The following EMID1 variants were observed in gnomAD, a reference collection of about 807,000 sequenced individuals.
EMID1 encodes EMI domain containing 1, also known as EMI domain-containing protein 1.
Under a neutral mutation model 60.6 loss-of-function variants are expected in EMID1, and 40 were observed. The observed-to-expected ratio is 0.66, with a 90% confidence interval of 0.51 to 0.86. The LOEUF is 0.86. Ranked by LOEUF, EMID1 falls within the 40% of genes least tolerant of loss-of-function variation. The pLI, the probability that EMID1 is intolerant of heterozygous loss-of-function variation, is 0.00. For missense variants in EMID1, 585 were observed against 597.1 expected, an observed-to-expected ratio of 0.98 and a Z score of 0.21; for synonymous variants, 242 against 231.0, an observed-to-expected ratio of 1.05 and a Z score of -0.43.
chr22:29,235,694 C>T (rs910725339), intron 12 of EMID1, among the ~76,000 whole-genome samples: 1 of 151,240 alleles, frequency 6.6e-6, no homozygotes, highest in Admixed American at 6.6e-5. Flanking sequence ...TCTGGGACTA[C>T]AGGTGTGCAC....
rs1188428045 is a variant in EMID1, at chr22:29,255,970, C to G, written c.1204+1683C>G. 7.2e-5 allele frequency among the ~76,000 whole-genome samples: 11 copies of G among 152,268 alleles called. No homozygotes were observed. The East Asian group carries it at 2.1e-3, about 29-fold the overall frequency. On this transcript the variant is annotated intron_variant, in intron 14 of 14. Coordinates refer to ENST00000334018, the MANE Select transcript of EMID1 (RefSeq NM_133455.4). ...GGTGGTTAGACACCAGTGGGTGGTA[C>G]CCCTCCTTGCGTCTGGCTCCTGGGA... is the stretch of plus-strand genomic sequence containing the variant.
chr22:29,225,302 A>C, intron 4 of EMID1, 86 bp downstream of exon 4: 1 of 1,385,740 alleles, frequency 7.2e-7, no homozygotes, highest in Non-Finnish European at 1.0e-6. Flanking sequence ...CTGTCCTAAA[A>C]GCCAGTAGGT....
chr22:29,255,202 C>CCCCAGT, intron 14 of EMID1: 1 of 734,564 alleles, frequency 1.4e-6, no homozygotes. Flanking sequence ...CCACCCTCCC[C>CCCCAGT]GCTTGGCTCC....
At chr22:29,216,289 A>C in intron 3 of EMID1, 5 of 984,388 alleles carry the variant, frequency 5.1e-6, no homozygotes, top group Non-Finnish European at 6.0e-6. Flanking sequence ...GCCTGGCCAC[A>C]CTCTCCCCTG....
chr22:29,232,051 C>T, intron 7 of EMID1: 2 of 616,252 alleles, frequency 3.2e-6, no homozygotes, highest in South Asian at 4.0e-5. Context: ...TTTGGGAGCC[C>T]CAAGGAAGGA....
chr22:29,226,695 C>T (rs867440217), intron 5 of EMID1, 144 bp downstream of exon 5: 21 of 740,570 alleles, frequency 2.8e-5, no homozygotes, highest in Non-Finnish European at 3.9e-5. Context: ...ACTGACTCGG[C>T]GAGCAGCATC....
intron 13 of EMID1, among the ~76,000 whole-genome samples, chr22:29,249,067 C>T (rs192961974): frequency 1.3e-5 from 2 of 152,252 alleles, no homozygotes; most frequent in South Asian, 2.1e-4. Context: ...AACCCAGCCA[C>T]GTTTCCCCTA....
chr22:29,245,880 T>C (rs2041313033), intron 13 of EMID1, among the ~76,000 whole-genome samples: 1 of 152,172 alleles, frequency 6.6e-6, no homozygotes, highest in Non-Finnish European at 1.5e-5. Flanking sequence ...TTTAAGTTCC[T>C]AGGGCCAGAG....
At chr22:29,225,687 G>A (rs1261224823) in intron 4 of EMID1, among the ~76,000 whole-genome samples, 1 of 152,056 alleles carries the variant, frequency 6.6e-6, no homozygotes, top group Non-Finnish European at 1.5e-5. Flanking sequence ...AGTGGGGGCA[G>A]CACCAGGACT....
intron 1 of EMID1, among the ~76,000 whole-genome samples, chr22:29,210,213 C>T (rs2039828821): frequency 6.6e-6 from 1 of 150,864 alleles, no homozygotes; most frequent in African/African-American, 2.4e-5. Flanking sequence ...CAAGCACAGT[C>T]CAGATTATGG....
At chr22:29,251,544 G>A (rs2041529008) in intron 13 of EMID1, among the ~76,000 whole-genome samples, 2 of 150,596 alleles carry the variant, frequency 1.3e-5, no homozygotes, top group African/African-American at 2.4e-5. Flanking sequence ...GTCACCCATC[G>A]TGGAGTGCAG....
chr22:29,258,572 C>A (rs1309395091), intron 14 of EMID1, among the ~76,000 whole-genome samples: 1 of 152,170 alleles, frequency 6.6e-6, no homozygotes, highest in Non-Finnish European at 1.5e-5. Context: ...TGTGGTTATC[C>A]CCACCTGACA....
chr22:29,231,196 G>A, intron 6 of EMID1, 56 bp downstream of exon 6: 1 of 1,535,804 alleles, frequency 6.5e-7, no homozygotes, highest in Middle Eastern at 1.8e-4. Flanking sequence ...GGGAATCGGG[G>A]AAGTGGGATT....
At chr22:29,237,946 G>A (rs62227043) in intron 12 of EMID1, among the ~76,000 whole-genome samples, 49,317 of 143,774 alleles carry the variant, frequency 0.34, 13,015 homozygotes, top group Middle Eastern at 0.51. Context: ...TAAGTGCTCC[G>A]CTGAAGAACT....
intron 7 of EMID1, 129 bp downstream of exon 7, chr22:29,231,811 C>CGTGGTGGGGTGCTG: frequency 1.1e-6 from 1 of 913,126 alleles, no homozygotes; most frequent in Non-Finnish European, 1.6e-6. Context: ...CTCAGCACCC[C>CGTGGTGGGGTGCTG]ACCACGGAGT....
chr22:29,249,430 G>A (rs1313606401), intron 13 of EMID1, among the ~76,000 whole-genome samples: 1 of 151,878 alleles, frequency 6.6e-6, no homozygotes, highest in Middle Eastern at 3.2e-3. Context: ...ACACCACCAT[G>A]CCTGGCTAAT....
intron 1 of EMID1, among the ~76,000 whole-genome samples, chr22:29,211,513 G>C (rs757792230): frequency 6.6e-6 from 1 of 152,016 alleles, no homozygotes; most frequent in Non-Finnish European, 1.5e-5. Context: ...GCGTGTATCT[G>C]TGTGTTTGTG....
chr22:29,233,931 C>T, intron 10 of EMID1: 1 of 670,982 alleles, frequency 1.5e-6, no homozygotes, highest in East Asian at 2.7e-5. Flanking sequence ...CAGCACATGG[C>T]AATGAGCTGT....
At chr22:29,247,911 G>A (rs1365687437) in intron 13 of EMID1, among the ~76,000 whole-genome samples, 2 of 151,154 alleles carry the variant, frequency 1.3e-5, no homozygotes, top group Non-Finnish European at 2.9e-5. Flanking sequence ...AATTACAGGC[G>A]TGAGCCACCG....
Sources: gnomAD v4.1 joint callset for allele counts (sites outside exome capture counted in the v4.1 genomes callset) on GRCh38, gnomAD v4.1.1 for gene constraint, MANE v1.5 for transcripts, NCBI Gene and HGNC (gene_info 2026-07-23, HGNC 2026-07-21) for gene names.